The following HPSE2 variants were observed in gnomAD, a reference collection of about 807,000 sequenced individuals.
HPSE2 encodes inactive heparanase-2.
Under a neutral mutation model 60.5 loss-of-function variants are expected in HPSE2, and 38 were observed. The observed-to-expected ratio is 0.63, with a 90% CI of 0.48 to 0.82. The LOEUF (loss-of-function observed/expected upper bound fraction) is 0.82. Among genes scored for constraint, HPSE2 ranks in the 40% least tolerant of loss-of-function variants. HPSE2 has a pLI of 0.00. For missense variants in HPSE2, 713 were observed against 740.4 expected, an observed-to-expected ratio of 0.96 and a Z score of 0.43; for synonymous variants, 295 against 293.2, an observed-to-expected ratio of 1.01 and a Z score of -0.06.
intron 3 of HPSE2, among the ~76,000 whole-genome samples, chr10:98,780,220 G>C (rs1402552847): frequency 6.6e-6 from 1 of 152,074 alleles, no homozygotes; most frequent in East Asian, 1.9e-4. Flanking sequence ...GAAAGTTTAA[G>C]AGCTGAGGGA....
intron 3 of HPSE2, among the ~76,000 whole-genome samples, chr10:99,089,247 T>A (rs1843431184): frequency 6.6e-6 from 1 of 152,242 alleles, no homozygotes. Context: ...ACTCTTTGCA[T>A]AAGCCAATGT....
In HPSE2 at chr10:98,713,346, G is replaced by A. The variant is rs564676939; in HGVS notation, c.956+8311C>T. Among the ~76,000 whole-genome samples, 9 of 152,120 alleles carry A rather than the reference G, an allele frequency of 5.9e-5. No individual in the cohort carries two copies. In the South Asian group the frequency reaches 1.9e-3, roughly 32 times the overall value. ...TTTGTAAATGATTCTTCTGGCAACT[G>A]AGTGAACAGATAGGAGGGGAACAAG... is the stretch of plus-strand genomic sequence containing the variant. On this transcript the variant is annotated intron_variant, in intron 5 of 11. Coordinates refer to ENST00000370552, the MANE Select transcript of HPSE2 (RefSeq NM_021828.5).
At chr10:99,079,373 C>T (rs1843055423) in intron 3 of HPSE2, among the ~76,000 whole-genome samples, 1 of 152,144 alleles carries the variant, frequency 6.6e-6, no homozygotes, top group African/African-American at 2.4e-5. Context: ...TCACTGGCCC[C>T]AAGTGGCTAG....
intron 3 of HPSE2, among the ~76,000 whole-genome samples, chr10:98,884,765 G>C (rs1005552444): frequency 3.3e-5 from 5 of 152,018 alleles, no homozygotes; most frequent in Non-Finnish European, 7.4e-5. Context: ...TTCCACCTCA[G>C]ATCATCAGGC....
intron 3 of HPSE2, among the ~76,000 whole-genome samples, chr10:98,803,681 A>G (rs1950972135): frequency 6.6e-6 from 1 of 150,570 alleles, no homozygotes; most frequent in Admixed American, 6.6e-5. Context: ...ATTGATCTAT[A>G]TCTCTGTTTT....
At chr10:98,873,816 T>A (rs890347831) in intron 3 of HPSE2, among the ~76,000 whole-genome samples, 4 of 152,148 alleles carry the variant, frequency 2.6e-5, no homozygotes, top group Non-Finnish European at 4.4e-5. Context: ...GTTGAGCTAA[T>A]TTACATTCCC....
chr10:98,503,405 C>T (rs1350442157), intron 9 of HPSE2, among the ~76,000 whole-genome samples: 2 of 152,064 alleles, frequency 1.3e-5, no homozygotes, highest in African/African-American at 4.8e-5. Flanking sequence ...AACACTTCTA[C>T]ACTGCTGGTG....
At chr10:98,857,417 G>A (rs1280504308) in intron 3 of HPSE2, among the ~76,000 whole-genome samples, 4 of 152,118 alleles carry the variant, frequency 2.6e-5, no homozygotes, top group African/African-American at 9.7e-5. Flanking sequence ...TTGTGAGTTC[G>A]AATAGAAACA....
chr10:99,050,551 C>T (rs1041770965), intron 3 of HPSE2, among the ~76,000 whole-genome samples: 8 of 152,004 alleles, frequency 5.3e-5, no homozygotes, highest in South Asian at 2.1e-4. Context: ...TTCACAATAA[C>T]GCTGCAATAA....
At chr10:98,817,597 C>G (rs1184066994) in intron 3 of HPSE2, among the ~76,000 whole-genome samples, 6 of 152,148 alleles carry the variant, frequency 3.9e-5, no homozygotes, top group Non-Finnish European at 7.4e-5. Context: ...GTCCTTGAAG[C>G]TCTGGTTTCT....
At chr10:98,483,254 T>C (rs1941312576) in intron 10 of HPSE2, among the ~76,000 whole-genome samples, 1 of 152,200 alleles carries the variant, frequency 6.6e-6, no homozygotes, top group Non-Finnish European at 1.5e-5. Flanking sequence ...AGTTTTTACA[T>C]AACTGGAATC....
chr10:98,486,582 A>C (rs1941448629), intron 10 of HPSE2, among the ~76,000 whole-genome samples: 1 of 152,154 alleles, frequency 6.6e-6, no homozygotes, highest in Admixed American at 6.5e-5. Flanking sequence ...AATATCCTAA[A>C]TGTAAGAGGT....
rs1183021302 is a variant in HPSE2 at position 99,177,837 on chromosome 10, C to T, written c.449-33438G>A. On this transcript the variant is annotated intron_variant, in intron 2 of 11. Coordinates refer to ENST00000370552, the MANE Select transcript of HPSE2 (RefSeq NM_021828.5). ...TTATACATTCTTCTCAGCACCACAT[C>T]GCACTTATTCTAAAATTGACCACAT... is the stretch of plus-strand genomic sequence containing the variant. 4.6e-5 allele frequency among the ~76,000 whole-genome samples: 7 copies of T among 152,132 alleles called. No homozygotes were observed. In the South Asian group the frequency reaches 1.0e-3, roughly 23 times the overall value.
At chr10:98,630,195 G>GTTTTTTTTTTTT (rs149014315) in intron 7 of HPSE2, among the ~76,000 whole-genome samples, 7 of 127,286 alleles carry the variant, frequency 5.5e-5, no homozygotes, top group East Asian at 2.4e-4. Context: ...TTTTTTTTTT[G>GTTTTTTTTTTTT]TTTTTTTTTT....
At chr10:99,310,584 G>C in the HPSE2 span, among the ~76,000 whole-genome samples, 1 of 152,228 alleles carries the variant, frequency 6.6e-6, no homozygotes, top group East Asian at 1.9e-4. Flanking sequence ...CTACCCAGTG[G>C]AATGTAAATA....
intron 3 of HPSE2, among the ~76,000 whole-genome samples, chr10:98,874,575 C>T (rs1301860237): frequency 6.6e-6 from 1 of 152,072 alleles, no homozygotes; most frequent in Admixed American, 6.6e-5. Flanking sequence ...ATTTGACTTC[C>T]TCTCTTCCTT....
At chr10:98,732,365 A>G (rs1335373633) in intron 4 of HPSE2, among the ~76,000 whole-genome samples, 7 of 152,196 alleles carry the variant, frequency 4.6e-5, no homozygotes, top group Non-Finnish European at 8.8e-5. Context: ...GAGGATTTAC[A>G]TTTCCAAATT....
chr10:99,291,747 C>T, the HPSE2 span, among the ~76,000 whole-genome samples: 2 of 152,156 alleles, frequency 1.3e-5, no homozygotes, highest in Admixed American at 1.3e-4. Flanking sequence ...TAGGGCTAGG[C>T]CCATCACCCA....
chr10:98,524,233 G>T (rs1475344781), intron 9 of HPSE2, among the ~76,000 whole-genome samples: 1 of 152,180 alleles, frequency 6.6e-6, no homozygotes, highest in Non-Finnish European at 1.5e-5. Flanking sequence ...ACGCGCATGA[G>T]TTGAGGAGCT....
Sources: gnomAD v4.1 joint callset for allele counts (sites outside exome capture counted in the v4.1 genomes callset) on GRCh38, gnomAD v4.1.1 for gene constraint, MANE v1.5 for transcripts, NCBI Gene and HGNC (gene_info 2026-07-23, HGNC 2026-07-21) for gene names.